The following LRRC71 variants were observed in gnomAD, a reference collection of about 807,000 sequenced individuals.
LRRC71 encodes the protein leucine rich repeat containing 71, also known as leucine-rich repeat-containing protein 71.
A neutral mutation model predicts 66.6 loss-of-function variants in LRRC71; 54 were observed. That is an observed-to-expected ratio of 0.81 (90% CI 0.65 to 1.02). The LOEUF (loss-of-function observed/expected upper bound fraction) is 1.02, where lower values mean the gene tolerates loss of function less well. LRRC71 is among the 50% of genes least tolerant of loss of function. The probability of loss-of-function intolerance (pLI) is 0.00; values close to 1 mark genes in which losing one functional copy is unlikely to be tolerated. For synonymous variants in LRRC71, 323 were observed against 303.9 expected (o/e 1.06, Z -0.65); for missense variants, 724 against 718.0 (o/e 1.01, Z -0.10).
At chr1:156,928,363 C>CTCTTCTTCTTCTTCTTCTTCT (rs71080802) in intron 9 of LRRC71, among the ~76,000 whole-genome samples, 5,984 of 98,724 alleles carry the variant, frequency 0.061, 543 homozygotes, top group East Asian at 0.086. Context: ...CTTCTTCTTC[C>CTCTTCTTCTTCTTCTTCTTCT]TCTTCTTCTT....
rs1654627293 is a variant in LRRC71 at position 156,933,004 on chromosome 1, C to T, written c.*35C>T. The T allele has an allele frequency of 1.3e-6, 2 of 1,489,068 alleles. No individual in the cohort carries two copies. Among genetic ancestry groups the T allele is most frequent in the Non-Finnish European group, 9.2e-7 (1 of 1,092,672 alleles). 92.2% of individuals were successfully genotyped at this position (1,489,068 alleles called of 1,614,324 possible). On this transcript the variant is annotated 3_prime_UTR_variant, in exon 15 of 15. Transcript: ENST00000337428. The stretch of plus-strand genomic sequence containing the variant: ...ACCTGCTTGCCTCTAAGACTCGGGG[C>T]TACAGAAGCACCTCCTGTCCCTGTG...
At chr1:156,930,483 T>C (rs537585139) in intron 11 of LRRC71, 46 bp from the exon 12 acceptor site, 3 of 1,494,092 alleles carry the variant, frequency 2.0e-6, no homozygotes, top group East Asian at 4.9e-5. Flanking sequence ...GCCTGGGTGG[T>C]ATCAGAAGTG....
chr1:156,930,099 C>CTTT (rs5778012), intron 11 of LRRC71, among the ~76,000 whole-genome samples: 52 of 113,148 alleles, frequency 4.6e-4, no homozygotes, highest in African/African-American at 1.7e-3. Flanking sequence ...CTTTCTCTCT[C>CTTT]TTTTTTTTTT....
At chr1:156,940,259 G>A in the LRRC71 span, 2 of 1,611,106 alleles carry the variant, frequency 1.2e-6, no homozygotes, top group Non-Finnish European at 1.7e-6. Context: ...GGCCTGGGAA[G>A]GCCAAGTGGA....
chr1:156,932,112 G>A, intron 13 of LRRC71, 85 bp downstream of exon 13: 2 of 1,079,102 alleles, frequency 1.9e-6, no homozygotes, highest in Admixed American at 2.0e-5. Flanking sequence ...CGACTCTATG[G>A]AGCAGAGCTG....
rs1299117470 is a variant in LRRC71 at position 156,930,629 on chromosome 1, G to A, written c.1329+12G>A. The A allele has an allele frequency of 1.3e-6, 2 of 1,553,686 alleles. No homozygotes were observed. The highest frequency in any genetic ancestry group is 2.4e-5 in the East Asian group (1 of 41,082). On this transcript the variant is annotated intron_variant, in intron 12 of 14. Coordinates refer to ENST00000337428, the MANE Select transcript of LRRC71 (RefSeq NM_144702.3). The stretch of plus-strand genomic sequence containing the variant: ...TCCTGGAGTCCGAGGTAAGTTGCCA[G>A]GAGGAGTGGAGGCAGGGGGCACACC...
chr1:156,924,981 A>G lies in LRRC71; in HGVS notation c.559A>G (p.Ile187Val). 6.4e-7 allele frequency: 1 copy of G among 1,551,662 alleles called. No homozygotes were observed. The change falls in exon 5 of 15, where the codon ATC becomes GTC. Residue 187 changes from isoleucine (I) to valine (V), a missense_variant. By Grantham distance (29) the Ile-to-Val change is conservative (BLOSUM62 3). Coordinates refer to ENST00000337428, the MANE Select transcript of LRRC71 (RefSeq NM_144702.3). ...GACCGATAAGACCCTGACCACCTTC[A>G]TCGAGCTCCTGCCTCTCTGTTCATC... ...GLTDKTLTTF[I>V]ELLPLCSSTL...
At chr1:156,937,201 G>A (rs748684035), downstream of LRRC71, 8 of 1,611,146 alleles carry the variant, frequency 5.0e-6, no homozygotes, top group Non-Finnish European at 6.8e-6. Flanking sequence ...AATGGTTTTG[G>A]GGTGATGGAC....
the LRRC71 span, chr1:156,939,102 C>G: frequency 9.2e-6 from 2 of 217,640 alleles, no homozygotes; most frequent in African/African-American, 4.7e-5. Context: ...CAGCTGCCAC[C>G]TCTACTGCCC....
At chr1:156,936,266 G>A (rs1440177408), downstream of LRRC71, 1 of 748,338 alleles carries the variant, frequency 1.3e-6, no homozygotes, top group Non-Finnish European at 2.5e-6. Flanking sequence ...AGGTAGGTAT[G>A]TGCCTTGTCT....
At chr1:156,930,060 T>TTCTTTCTTCTTTCTTTCTTTTTCTTTC (rs746194831) in intron 11 of LRRC71, among the ~76,000 whole-genome samples, 1 of 126,182 alleles carries the variant, frequency 7.9e-6, no homozygotes, top group Non-Finnish European at 1.6e-5. Context: ...CTTTCTTTCT[T>TTCTTTCTTCTTTCTTTCTTTTTCTTTC]TTTCTTTCTT....
At chr1:156,935,791 TAAGG>T (rs1202616068), downstream of LRRC71, 4 of 584,794 alleles carry the variant, frequency 6.8e-6, no homozygotes. Context: ...AGGGTTGGGC[TAAGG>T]GAGGGAAAAG....
intron 9 of LRRC71, among the ~76,000 whole-genome samples, chr1:156,928,405 TTCCTCTTATTCC>T (rs1653658427): frequency 7.9e-6 from 1 of 126,558 alleles, no homozygotes; most frequent in African/African-American, 3.8e-5. Context: ...CTTCTTCTTC[TTCCTCTTATTCC>T]TCCTCCTCCT....
chr1:156,929,316 C>G lies in LRRC71; in HGVS notation c.1033C>G (p.Arg345Gly), dbSNP rs757551279. 6.2e-7 allele frequency: 1 copy of G among 1,610,938 alleles called. No individual in the cohort carries two copies. The highest frequency in any genetic ancestry group is 8.5e-7 in the Non-Finnish European group (1 of 1,178,530). ...TCGACACGGGGACTCCAAAACGGAC[C>G]GTGAGAAGAGTCAGATGGTAGGGAT... Reference protein sequence around the residue: ...SSRHGDSKTDREKSQMVGISN... With the variant: ...SSRHGDSKTDGEKSQMVGISN... The change falls in exon 10 of 15, where the codon CGT becomes GGT. Residue 345 changes from arginine (R) to glycine (G), a missense_variant. By Grantham distance (125) the Arg-to-Gly change is moderately radical. Coordinates refer to ENST00000337428, the MANE Select transcript of LRRC71 (RefSeq NM_144702.3).
At chr1:156,939,956 C>T in the LRRC71 span, 3 of 1,586,812 alleles carry the variant, frequency 1.9e-6, no homozygotes, top group Non-Finnish European at 2.6e-6. Flanking sequence ...GGACTGCACA[C>T]CACGCCAGAA....
chr1:156,939,916 G>A, the LRRC71 span: 1 of 1,599,934 alleles, frequency 6.3e-7, no homozygotes, highest in Non-Finnish European at 8.5e-7. Context: ...CTCCACTGGA[G>A]GGGAAACAGG....
chr1:156,924,351 G>A, intron 2 of LRRC71, 73 bp from the exon 3 acceptor site: 1 of 1,509,380 alleles, frequency 6.6e-7, no homozygotes, highest in Non-Finnish European at 8.9e-7. Flanking sequence ...ATCCCACCCG[G>A]GCACCCGTGG....
chr1:156,929,914 T>A (rs911557600), intron 11 of LRRC71, among the ~76,000 whole-genome samples, 185 bp downstream of exon 11: 9 of 152,194 alleles, frequency 5.9e-5, no homozygotes, highest in Admixed American at 5.2e-4. Context: ...CCAGACATCC[T>A]GACCCACTGC....
intron 1 of LRRC71, among the ~76,000 whole-genome samples, chr1:156,922,145 T>C (rs1429345478): frequency 2.0e-5 from 3 of 150,920 alleles, no homozygotes; most frequent in Non-Finnish European, 4.4e-5. Flanking sequence ...AGGGGTGGAG[T>C]TGTGACTTTG....
Sources: allele counts gnomAD v4.1 joint callset (sites outside exome capture counted in the v4.1 genomes callset), GRCh38; gene constraint gnomAD v4.1.1; transcripts MANE v1.5; gene names NCBI Gene and HGNC (gene_info 2026-07-23, HGNC 2026-07-21).